APEH: variants seen among roughly 807,000 people sequenced by gnomAD.
APEH encodes acylamino-acid-releasing enzyme.
APEH carries 75 observed loss-of-function variants against 102.7 expected under a neutral mutation model. That is an observed-to-expected ratio of 0.73 (90% CI 0.61 to 0.89). The LOEUF is 0.89. Among genes scored for constraint, APEH ranks in the 40% least tolerant of loss-of-function variants. The pLI is 0.00. For missense variants in APEH, 863 were observed against 941.2 expected, an observed-to-expected ratio of 0.92 and a Z score of 1.09; for synonymous variants, 344 against 362.7, an observed-to-expected ratio of 0.95 and a Z score of 0.59.
At position 49,679,152 on chromosome 3, in the gene APEH, C is replaced by T. The variant is rs1293385934; in HGVS notation, c.1158+203C>T. On this transcript the variant is annotated intron_variant, in intron 12 of 21. Transcript: ENST00000296456. This position sits in a 1 kb window ranked among gnomAD's most constrained non-coding sequence, Gnocchi z 4.3. ...CACCACAGCAGAACTCAGGCCTTTT[C>T]GTCTGAGGCAGAGATGCAACCCCTC... Among the ~76,000 whole-genome samples, 3 of 152,132 alleles carry T rather than the reference C, an allele frequency of 2.0e-5. No individual in the cohort carries two copies. Among genetic ancestry groups the T allele is most frequent in the Admixed American group, 6.5e-5 (1 of 15,286 alleles).
At chr3:49,681,617 C>CT in intron 15 of APEH, 105 bp from the exon 16 acceptor site, 1 of 1,085,952 alleles carries the variant, frequency 9.2e-7, no homozygotes, top group Non-Finnish European at 1.3e-6. Context: ...CTACCTTGGC[C>CT]AGGTCTCTGA....
At chr3:49,673,801 C>CCGCACGCTCACG (rs2052881987), upstream of APEH, among the ~76,000 whole-genome samples, 1 of 145,580 alleles carries the variant, frequency 6.9e-6, no homozygotes, top group African/African-American at 2.6e-5. Flanking sequence ...CAACCCTCAC[C>CCGCACGCTCACG]CTCACGCTCA....
At chr3:49,677,515 T>A (rs1326173008) in intron 10 of APEH, 58 bp from the exon 11 acceptor site, 4 of 1,487,394 alleles carry the variant, frequency 2.7e-6, no homozygotes, top group African/African-American at 1.4e-5. Context: ...CACAGGGCAC[T>A]GTGCCCTAAG....
chr3:49,679,006 T>C lies in APEH; in HGVS notation c.1158+57T>C. On this transcript the variant is annotated intron_variant, in intron 12 of 21. Transcript: ENST00000296456. This position sits in a 1 kb window ranked among gnomAD's most constrained non-coding sequence, Gnocchi z 4.3. ...CCCTGTGGTCAACCCCCAGGAGCCC[T>C]GGGGGTTGCATGTGCATGCCCCTGG... 1 of 1,468,412 alleles carries C rather than the reference T, an allele frequency of 6.8e-7. No individual in the cohort carries two copies. The highest frequency in any genetic ancestry group is 9.5e-7 in the Non-Finnish European group (1 of 1,055,468). The allele number at this position is 1,468,412 out of a possible 1,614,324, so 91.0% of individuals were successfully genotyped here.
chr3:49,673,318 C>T (rs1339111378), upstream of APEH, among the ~76,000 whole-genome samples: 1 of 151,836 alleles, frequency 6.6e-6, no homozygotes, highest in African/African-American at 2.4e-5. Flanking sequence ...CACCTTAGCC[C>T]AGCCAATCCT....
Position 49,679,535 on chromosome 3 carries a change from A to T in APEH, c.1159-58A>T, listed in dbSNP as rs2108124126. ...TAGAGAGGAGGTAGGGGAGGGACCC[A>T]TAGGTAGAGGGAGTACTCTTGGATG... On this transcript the variant is annotated intron_variant, in intron 12 of 21. Coordinates refer to ENST00000296456, the MANE Select transcript of APEH (RefSeq NM_001640.4). This position sits in a 1 kb window ranked among gnomAD's most constrained non-coding sequence, Gnocchi z 4.3. The T allele has an allele frequency of 3.8e-6, 6 of 1,580,060 alleles. No homozygotes were observed. The highest frequency in any genetic ancestry group is 5.2e-6 in the Non-Finnish European group (6 of 1,150,002).
intron 6 of APEH, 75 bp from the exon 7 acceptor site, chr3:49,676,303 T>C: frequency 6.2e-7 from 1 of 1,611,808 alleles, no homozygotes. Flanking sequence ...CTGTCAGACC[T>C]GGGGAGGCAC....
upstream of APEH, chr3:49,674,318 C>G (rs1373823053): frequency 6.7e-7 from 1 of 1,490,206 alleles, no homozygotes; most frequent in Admixed American, 2.1e-5. Context: ...GGAGACAGCC[C>G]GGGCCGTCCC....
Position 49,679,514 on chromosome 3 carries a change from G to C in APEH, c.1159-79G>C. Reference sequence around the variant, plus strand: ...GGCCAGGGCTCTCCAAGAGGGTAGAGAGGAGGTAGGGGAGGGACCCATAGG... The same window carrying C: ...GGCCAGGGCTCTCCAAGAGGGTAGACAGGAGGTAGGGGAGGGACCCATAGG... On this transcript the variant is annotated intron_variant, in intron 12 of 21. Coordinates refer to ENST00000296456, the MANE Select transcript of APEH (RefSeq NM_001640.4). This position sits in a 1 kb window ranked among gnomAD's most constrained non-coding sequence, Gnocchi z 4.3. 1 of 1,472,594 alleles carries C rather than the reference G, an allele frequency of 6.8e-7. No homozygotes were observed. Among genetic ancestry groups the C allele is most frequent in the Non-Finnish European group, 9.5e-7 (1 of 1,054,320 alleles). 91.2% of individuals were successfully genotyped at this position (1,472,594 alleles called of 1,614,324 possible). A position where few individuals can be genotyped will look rare whatever the true frequency, so the allele number is the denominator to read the frequency against.
intron 15 of APEH, 145 bp downstream of exon 15, chr3:49,681,384 C>A: frequency 1.9e-6 from 2 of 1,027,904 alleles, no homozygotes; most frequent in Non-Finnish European, 2.7e-6. Context: ...TGTGGATGGG[C>A]ATGGGAAGTA....
In APEH at chr3:49,683,075, G is replaced by A; in HGVS notation, c.2022G>A (p.Glu674=). ...KTPLLLMLGQ[E]DRRVPFKQGM... is the part of the protein sequence containing the mutation. ...CACTGTTACTGATGTTGGGCCAGGA[G>A]GACCGGCGTGTGCCCTTCAAGCAGG... Residue 674 remains glutamate, a synonymous_variant, in exon 21 of 22, where the codon GAG becomes GAA. Transcript: ENST00000296456. 6.2e-7 allele frequency: 1 copy of A among 1,614,134 alleles called. No individual in the cohort carries two copies. Among genetic ancestry groups the A allele is most frequent in the Non-Finnish European group, 8.5e-7 (1 of 1,180,030 alleles).
At chr3:49,674,064 C>T, upstream of APEH, 1 of 438,956 alleles carries the variant, frequency 2.3e-6, no homozygotes, top group Non-Finnish European at 4.1e-6. Context: ...GGTTCCGCTT[C>T]CACAGGGCCG....
chr3:49,676,095 A>C lies in APEH; in HGVS notation c.482A>C (p.His161Pro). The C allele has an allele frequency of 1.9e-6, 3 of 1,614,148 alleles. No individual in the cohort carries two copies. Among genetic ancestry groups the C allele is most frequent in the Non-Finnish European group, 2.5e-6 (3 of 1,180,008 alleles). The change falls in exon 6 of 22, where the codon CAC (histidine) becomes CCC (proline). Residue 161 changes from histidine (H) to proline (P), a missense_variant. Coordinates refer to ENST00000296456, the MANE Select transcript of APEH (RefSeq NM_001640.4). Reference protein sequence around the residue: ...GCLSWSHSETHLLYVAEKKRP... With the variant: ...GCLSWSHSETPLLYVAEKKRP... ...CTGTCCTGGTCGCACTCGGAGACACACTTGTTGTATGTGGCAGAGAAGAAG... is the reference window on the plus strand; with the variant it reads ...CTGTCCTGGTCGCACTCGGAGACACCCTTGTTGTATGTGGCAGAGAAGAAG...
At position 49,676,942 on chromosome 3, in the gene APEH, G is replaced by C. The variant is rs377083315; in HGVS notation, c.917G>C (p.Arg306Pro). 2.5e-6 allele frequency: 4 copies of C among 1,614,136 alleles called. No homozygotes were observed. The highest frequency in any genetic ancestry group is 3.4e-6 in the Non-Finnish European group (4 of 1,180,014). Residue 306 changes from arginine to proline, a missense_variant, in exon 10 of 22, where the codon CGG becomes CCG. Transcript: ENST00000296456. Reference protein sequence around the residue: ...SDDSLAVSSPRLSPDQCRIVY... With the variant: ...SDDSLAVSSPPLSPDQCRIVY... ...GACTCCCTGGCTGTCTCTTCTCCCC[G>C]GCTGAGCCCAGACCAATGTCGCATT... is the stretch of plus-strand genomic sequence containing the variant.
chr3:49,683,642 G>A lies in APEH; in HGVS notation c.*300G>A, dbSNP rs1361526974. The stretch of plus-strand genomic sequence containing the variant: ...AGTGTGAGAAGGGAGGGAACAGTGA[G>A]AGGCTTAGCCTCTGCCTGTCCTGGC... On this transcript the variant is annotated 3_prime_UTR_variant, in exon 22 of 22. Coordinates refer to ENST00000296456, the MANE Select transcript of APEH (RefSeq NM_001640.4). 4 of 479,436 alleles carry A rather than the reference G, an allele frequency of 8.3e-6. No homozygotes were observed. In the East Asian group the frequency reaches 1.6e-4, roughly 19 times the overall value. The allele number at this position is 479,436 out of a possible 1,614,324, so 29.7% of individuals were successfully genotyped here.
At position 49,683,460 on chromosome 3, in the gene APEH, C is replaced by T. The variant is rs1355380690; in HGVS notation, c.*118C>T. On this transcript the variant is annotated 3_prime_UTR_variant, in exon 22 of 22. Coordinates refer to ENST00000296456, the MANE Select transcript of APEH (RefSeq NM_001640.4). ...GCTCTGGACTCCACGGATGCGTGGG[C>T]AGAGGAATGTGGGCTATGTAGTCAT... is the stretch of plus-strand genomic sequence containing the variant. 2 of 842,278 alleles carry T rather than the reference C, an allele frequency of 2.4e-6. No individual in the cohort carries two copies. The highest frequency in any genetic ancestry group is 1.5e-5 in the South Asian group (1 of 67,930). The allele number at this position is 842,278 out of a possible 1,614,324, so 52.2% of individuals were successfully genotyped here.
intron 2 of APEH, 123 bp from the exon 3 acceptor site, chr3:49,675,060 T>C: frequency 1.5e-6 from 2 of 1,340,760 alleles, no homozygotes; most frequent in Non-Finnish European, 2.1e-6. Flanking sequence ...AGGGTGTCAG[T>C]GTCTGGAGAC....
intron 3 of APEH, 25 bp downstream of exon 3, chr3:49,675,334 G>A (rs1184805846): frequency 6.2e-7 from 1 of 1,612,476 alleles, no homozygotes; most frequent in Admixed American, 1.7e-5. Flanking sequence ...GGAAGCTTGT[G>A]GGCAAGGCCA....
In APEH at chr3:49,682,085, C is replaced by T. The variant is rs1287701526; in HGVS notation, c.1603+118C>T. ...TCTCCAGGACTTTCTCTAGCCTAGA[C>T]CTAGTAACCACTACCAGGAACTGCT... On this transcript the variant is annotated intron_variant, in intron 17 of 21. Coordinates refer to ENST00000296456, the MANE Select transcript of APEH (RefSeq NM_001640.4). The T allele has an allele frequency of 1.4e-5, 16 of 1,183,564 alleles. No individual in the cohort carries two copies. The Admixed American group carries it at 3.0e-4, about 22-fold the overall frequency. The allele number at this position is 1,183,564 out of a possible 1,614,324, so 73.3% of individuals were successfully genotyped here. A position where few individuals can be genotyped will look rare whatever the true frequency, so the allele number is the denominator to read the frequency against.
Sources: gnomAD v4.1 joint callset for allele counts (sites outside exome capture counted in the v4.1 genomes callset) on GRCh38, gnomAD v4.1.1 for gene constraint, Gnocchi (gnomAD v3.1) non-coding constraint, MANE v1.5 for transcripts, NCBI Gene and HGNC (gene_info 2026-07-23, HGNC 2026-07-21) for gene names.